DNAJC1: variants seen among roughly 807,000 people sequenced by gnomAD.
DNAJC1 encodes dnaJ homolog subfamily C member 1.
In DNAJC1, 58 loss-of-function variants were observed where a neutral mutation model predicts 76.6. The ratio of observed to expected loss-of-function variants is 0.76; its 90% confidence interval spans 0.61 to 0.94. The LOEUF is 0.94. Among genes scored for constraint, DNAJC1 ranks in the 40% least tolerant of loss-of-function variants. DNAJC1 has a pLI of 0.00. For synonymous variants in DNAJC1, 258 were observed against 267.9 expected (o/e 0.96, Z 0.36); for missense variants, 689 against 677.3 (o/e 1.02, Z -0.19).
At chr10:21,809,529 A>G (rs1286050121) in intron 8 of DNAJC1, among the ~76,000 whole-genome samples, 1 of 151,316 alleles carries the variant, frequency 6.6e-6, no homozygotes, top group Non-Finnish European at 1.5e-5. Flanking sequence ...ACATTATTAT[A>G]CATAATAATA....
chr10:21,778,364 A>T (rs1332201282), intron 9 of DNAJC1, among the ~76,000 whole-genome samples: 1 of 152,186 alleles, frequency 6.6e-6, no homozygotes, highest in Non-Finnish European at 1.5e-5. Context: ...AAAGGATTGC[A>T]TTCATGATTT....
At chr10:21,987,963 T>TC (rs1162908013) in intron 1 of DNAJC1, among the ~76,000 whole-genome samples, 1 of 152,210 alleles carries the variant, frequency 6.6e-6, no homozygotes, top group Non-Finnish European at 1.5e-5. Context: ...TGGCTTTTTT[T>TC]CACTAACATT....
chr10:21,992,566 T>C (rs1838344002), intron 1 of DNAJC1, among the ~76,000 whole-genome samples: 2 of 151,640 alleles, frequency 1.3e-5, no homozygotes, highest in African/African-American at 4.8e-5. Flanking sequence ...AAAAAAAAAA[T>C]TAAGTTCATC....
chr10:21,874,431 G>GT (rs976090088), intron 8 of DNAJC1, among the ~76,000 whole-genome samples: 10 of 144,920 alleles, frequency 6.9e-5, no homozygotes, highest in East Asian at 2.0e-4. Flanking sequence ...GACCTGGTCT[G>GT]TAAAAAAAAA....
intron 6 of DNAJC1, among the ~76,000 whole-genome samples, chr10:21,912,071 A>C (rs1564825431): frequency 1.3e-5 from 2 of 152,170 alleles, no homozygotes; most frequent in South Asian, 4.1e-4. Flanking sequence ...GTGTAATTAT[A>C]ATCAGCCTGA....
chr10:21,944,317 T>C (rs561867063), intron 1 of DNAJC1, among the ~76,000 whole-genome samples: 5 of 152,274 alleles, frequency 3.3e-5, no homozygotes, highest in African/African-American at 1.2e-4. Context: ...CTGAAATTAA[T>C]TCACCTTTTA....
At chr10:21,912,117 T>TACTATA in intron 6 of DNAJC1, among the ~76,000 whole-genome samples, 1 of 152,334 alleles carries the variant, frequency 6.6e-6, no homozygotes, top group East Asian at 1.9e-4. Context: ...ACACAGCTTA[T>TACTATA]ACTATAAAGT....
chr10:21,791,884 T>C (rs915803752), intron 9 of DNAJC1, among the ~76,000 whole-genome samples: 1 of 151,886 alleles, frequency 6.6e-6, no homozygotes, highest in Admixed American at 6.6e-5. Context: ...AGAGTAGAAA[T>C]AAAATTGAAA....
chr10:21,782,652 A>G (rs925891549), intron 9 of DNAJC1, among the ~76,000 whole-genome samples: 3 of 152,258 alleles, frequency 2.0e-5, no homozygotes, highest in Non-Finnish European at 4.4e-5. Flanking sequence ...AAAATCCTCA[A>G]CAAGATACTG....
At chr10:21,811,571 T>C (rs1227902035) in intron 8 of DNAJC1, among the ~76,000 whole-genome samples, 2 of 152,288 alleles carry the variant, frequency 1.3e-5, no homozygotes. Context: ...TTGCCAAAAT[T>C]AAACTTTTAG....
At chr10:21,968,745 C>T (rs1477491263) in intron 1 of DNAJC1, among the ~76,000 whole-genome samples, 1 of 152,044 alleles carries the variant, frequency 6.6e-6, no homozygotes. Context: ...CTCCTGACCT[C>T]GTGATCTGCC....
At chr10:21,773,588 C>T (rs1385729404) in intron 9 of DNAJC1, among the ~76,000 whole-genome samples, 2 of 152,128 alleles carry the variant, frequency 1.3e-5, no homozygotes, top group African/African-American at 4.8e-5. Flanking sequence ...TAAAGAAAAA[C>T]GTATATTCTA....
intron 1 of DNAJC1, among the ~76,000 whole-genome samples, chr10:21,946,451 G>A (rs748656597): frequency 6.6e-5 from 10 of 151,624 alleles, no homozygotes; most frequent in Non-Finnish European, 1.0e-4. Flanking sequence ...CTACCAGAAC[G>A]GCCAAAATAT....
intron 10 of DNAJC1, among the ~76,000 whole-genome samples, chr10:21,761,601 A>C (rs1239176068): frequency 1.3e-5 from 2 of 152,094 alleles, no homozygotes; most frequent in Non-Finnish European, 2.9e-5. Context: ...TAAAAACTAC[A>C]AAAAGGAATA....
chr10:21,912,513 C>T (rs148249530), intron 6 of DNAJC1, among the ~76,000 whole-genome samples: 323 of 152,208 alleles, frequency 2.1e-3, no homozygotes, highest in African/African-American at 7.4e-3. Context: ...TCCAGTTTGC[C>T]TGTATCCCTT....
At chr10:21,798,608 T>A (rs1299844110) in intron 9 of DNAJC1, among the ~76,000 whole-genome samples, 1 of 151,048 alleles carries the variant, frequency 6.6e-6, no homozygotes, top group East Asian at 1.9e-4. Flanking sequence ...ACTTGCTTTG[T>A]ACCTCTGCTC....
chr10:21,766,649 T>C (rs768913452), intron 9 of DNAJC1, among the ~76,000 whole-genome samples: 5 of 152,012 alleles, frequency 3.3e-5, no homozygotes, highest in Non-Finnish European at 7.4e-5. Flanking sequence ...AGGGTACATA[T>C]GCACAACGGG....
chr10:21,955,629 C>A (rs1327729158), intron 1 of DNAJC1, among the ~76,000 whole-genome samples: 1 of 152,108 alleles, frequency 6.6e-6, no homozygotes, highest in Non-Finnish European at 1.5e-5. Context: ...TTAACATTTT[C>A]ATTACCTCAT....
At chr10:21,794,932 C>T (rs1175762002) in intron 9 of DNAJC1, among the ~76,000 whole-genome samples, 2 of 151,928 alleles carry the variant, frequency 1.3e-5, no homozygotes, top group Non-Finnish European at 1.5e-5. Flanking sequence ...TATCTGTATT[C>T]CATTTACCAG....
Sources: allele counts gnomAD v4.1 joint callset (sites outside exome capture counted in the v4.1 genomes callset), GRCh38; gene constraint gnomAD v4.1.1; transcripts MANE v1.5; gene names NCBI Gene and HGNC (gene_info 2026-07-23, HGNC 2026-07-21).